MFSD12: variants seen among roughly 807,000 people sequenced by gnomAD.
The protein encoded by MFSD12 is major facilitator superfamily domain containing 12.
Under a neutral mutation model 51.2 loss-of-function variants are expected in MFSD12, and 67 were observed. The ratio of observed to expected loss-of-function variants is 1.31; its 90% confidence interval spans 1.08 to 1.60. The LOEUF is 1.60. Among genes scored for constraint, MFSD12 ranks in the 40% most tolerant of loss-of-function variants. The pLI, the probability that MFSD12 is intolerant of heterozygous loss-of-function variation, is 0.00. For missense variants in MFSD12, 921 were observed against 673.0 expected, an observed-to-expected ratio of 1.37 and a Z score of -4.08; for synonymous variants, 441 against 316.7, an observed-to-expected ratio of 1.39 and a Z score of -4.17.
chr19:3,547,250 T>TC (rs756395511), intron 6 of MFSD12, 22 bp downstream of exon 6: 190 of 1,604,408 alleles, frequency 1.2e-4, no homozygotes, highest in Non-Finnish European at 1.6e-4. Context: ...GCCCCAGCTG[T>TC]CCCCGGTCCC....
At chr19:3,544,050 G>C, downstream of MFSD12, 1 of 1,494,398 alleles carries the variant, frequency 6.7e-7, no homozygotes, top group Non-Finnish European at 9.0e-7. Flanking sequence ...TCTGCACCCA[G>C]ATGAGGGGGC....
intron 1 of MFSD12, among the ~76,000 whole-genome samples, chr19:3,553,422 G>A (rs950299562): frequency 3.3e-5 from 5 of 150,012 alleles, no homozygotes; most frequent in Non-Finnish European, 7.4e-5. Flanking sequence ...GCAGTGAGTC[G>A]TGATCGTGCC....
At chr19:3,556,023 C>T (rs1477125119) in intron 1 of MFSD12, among the ~76,000 whole-genome samples, 1 of 152,174 alleles carries the variant, frequency 6.6e-6, no homozygotes, top group Non-Finnish European at 1.5e-5. Flanking sequence ...AGGGCAGCTC[C>T]CCCAGACCTA....
At chr19:3,540,529 T>C (rs997249202), downstream of MFSD12, among the ~76,000 whole-genome samples, 1 of 151,550 alleles carries the variant, frequency 6.6e-6, no homozygotes, top group South Asian at 2.1e-4. Flanking sequence ...GTGCTGGGAT[T>C]ACAGGCGTGA....
At chr19:3,543,616 G>A, downstream of MFSD12, 2 of 1,544,776 alleles carry the variant, frequency 1.3e-6, no homozygotes, top group Non-Finnish European at 1.7e-6. Flanking sequence ...CCCAGTACCA[G>A]GCCCCCAGCA....
At position 3,554,461 on chromosome 19, in the gene MFSD12, A is replaced by G. The variant is rs905869529; in HGVS notation, c.298+2645T>C. Among the ~76,000 whole-genome samples, 448 of 140,602 alleles carry G rather than the reference A, an allele frequency of 3.2e-3. 11 individuals carry two copies. Among genetic ancestry groups the G allele is most frequent in the Non-Finnish European group, 8.1e-4 (51 of 62,622 alleles). The allele number at this position is 140,602 out of a possible 152,430, so 92.2% of individuals were successfully genotyped here. On this transcript the variant is annotated intron_variant, in intron 1 of 9. Transcript: ENST00000355415. ...CAACAACAACAAAACAAAAAAAAAA[A>G]AAAAAGAAAGAAAGTTCCTGCCTCA...
rs773204193 is a variant in MFSD12, at chr19:3,539,160, C to G, written c.*6-404G>C. The G allele has an allele frequency of 5.8e-6, 9 of 1,540,610 alleles. No individual in the cohort carries two copies. The South Asian group carries it at 6.0e-5, about 10-fold the overall frequency. On this transcript the variant is annotated intron_variant, in intron 4 of 4. Coordinates refer to the MFSD12 transcript ENST00000398558. ...CCTCAGAGGCCTTCTGGCAGGAGCC[C>G]GGGGGATCCAGGCAGACATGCAAAC... is the stretch of plus-strand genomic sequence containing the variant.
chr19:3,547,368 C>G lies in MFSD12; in HGVS notation c.931-4G>C, dbSNP rs772678476. On this transcript the variant is annotated splice_region_variant and splice_polypyrimidine_tract_variant and intron_variant, in intron 5 of 9. Coordinates refer to ENST00000355415, the MANE Select transcript of MFSD12 (RefSeq NM_174983.5). The stretch of plus-strand genomic sequence containing the variant: ...GGGGAATGGTCGCGATGAACTTCTG[C>G]GGAGGCAGAGCCAGGCATGCCGTGT... 1 of 1,613,190 alleles carries G rather than the reference C, an allele frequency of 6.2e-7. No homozygotes were observed. The highest frequency in any genetic ancestry group is 8.5e-7 in the Non-Finnish European group (1 of 1,179,924).
downstream of MFSD12, chr19:3,543,482 C>T: frequency 7.0e-7 from 1 of 1,434,404 alleles, no homozygotes; most frequent in Non-Finnish European, 9.3e-7. Context: ...GGGTGAGTGC[C>T]CCCCCCCCCG....
intron 4 of MFSD12, 78 bp from the exon 5 acceptor site, chr19:3,547,625 C>T: frequency 1.8e-5 from 24 of 1,365,974 alleles, no homozygotes; most frequent in Non-Finnish European, 2.3e-5. Context: ...GCACCGGGGC[C>T]AGGGTGGGCG....
chr19:3,545,949 C>T, intron 8 of MFSD12, 125 bp downstream of exon 8: 1 of 927,980 alleles, frequency 1.1e-6, no homozygotes, highest in South Asian at 1.4e-5. Flanking sequence ...CCTATGACTC[C>T]CATTGGGGCA....
At chr19:3,553,383 G>A (rs936202357) in intron 1 of MFSD12, among the ~76,000 whole-genome samples, 31 of 151,998 alleles carry the variant, frequency 2.0e-4, no homozygotes, top group Admixed American at 1.4e-3. Context: ...TGAGGTGGGA[G>A]GACTGCTTGA....
At chr19:3,543,537 G>GCCC (rs1200332605), downstream of MFSD12, 1 of 1,328,706 alleles carries the variant, frequency 7.5e-7, no homozygotes, top group Non-Finnish European at 9.8e-7. Flanking sequence ...ATGACCGCCA[G>GCCC]CCCCCGCCCC....
At chr19:3,541,034 T>C (rs2030356651), downstream of MFSD12, among the ~76,000 whole-genome samples, 1 of 150,536 alleles carries the variant, frequency 6.6e-6, no homozygotes, top group Non-Finnish European at 1.5e-5. Context: ...CTGGTTGTGG[T>C]GGCGGGCGCC....
downstream of MFSD12, chr19:3,543,494 C>T (rs749643910): frequency 3.9e-6 from 6 of 1,523,278 alleles, no homozygotes; most frequent in East Asian, 9.8e-5. Context: ...CCCCCCCCGC[C>T]CTGGGCAGCG....
Position 3,547,370 on chromosome 19 carries a change from GAGGCAGAGCC to G in MFSD12, c.931-16_931-7del. On this transcript the variant is annotated splice_region_variant and splice_polypyrimidine_tract_variant and intron_variant, in intron 5 of 9. Transcript: ENST00000355415. Reference sequence around the variant, plus strand: ...GGAATGGTCGCGATGAACTTCTGCGGAGGCAGAGCCAGGCATGCCGTGTCAGTCATGGCTC... The same window carrying G: ...GGAATGGTCGCGATGAACTTCTGCGGAGGCATGCCGTGTCAGTCATGGCTC... 6.2e-7 allele frequency: 1 copy of G among 1,613,216 alleles called. No individual in the cohort carries two copies. The highest frequency in any genetic ancestry group is 1.6e-4 in the Middle Eastern group (1 of 6,062).
Position 3,545,919 on chromosome 19 carries a change from G to A in MFSD12, c.1289+155C>T, listed in dbSNP as rs530334157. ...TGAATAAACGAAGTGCTCAGTGGAA[G>A]AAAGGAAAGGTCTCCCCTGCCTATG... is the stretch of plus-strand genomic sequence containing the variant. On this transcript the variant is annotated intron_variant, in intron 8 of 9. Transcript: ENST00000355415. Among the ~76,000 whole-genome samples the A allele has an allele frequency of 2.2e-4, 34 of 152,350 alleles. 1 individual carries two copies. The highest frequency in any genetic ancestry group is 2.1e-3 in the Admixed American group (32 of 15,300).
Position 3,547,490 on chromosome 19 carries a change from C to T in MFSD12, c.895G>A (p.Ala299Thr), listed in dbSNP as rs745854046. The change falls in exon 5 of 10, where the codon GCC (alanine) becomes ACC (threonine). Residue 299 changes from alanine (A) to threonine (T), a missense_variant. Coordinates refer to ENST00000355415, the MANE Select transcript of MFSD12 (RefSeq NM_174983.5). ...TGGAGCGAGTAGGTGAGGTACATGGCCATGTAGGTCTGGGACAGGTTCACG... is the reference window on the plus strand; with the variant it reads ...TGGAGCGAGTAGGTGAGGTACATGGTCATGTAGGTCTGGGACAGGTTCACG... ...LIVNLSQTYM[A>T]MYLTYSLHLP... is the part of the protein sequence containing the mutation. The T allele has an allele frequency of 1.2e-5, 20 of 1,613,126 alleles. No homozygotes were observed. In the South Asian group the frequency reaches 2.2e-4, roughly 18 times the overall value.
intron 8 of MFSD12, among the ~76,000 whole-genome samples, chr19:3,545,386 C>G (rs529263926): frequency 2.0e-5 from 3 of 152,304 alleles, no homozygotes; most frequent in African/African-American, 7.2e-5. Flanking sequence ...AGGCCCTGCA[C>G]GACCTGCCCT....
Sources: allele counts gnomAD v4.1 joint callset (sites outside exome capture counted in the v4.1 genomes callset), GRCh38; gene constraint gnomAD v4.1.1; transcripts MANE v1.5; gene names NCBI Gene and HGNC (gene_info 2026-07-23, HGNC 2026-07-21).